The following CRY1 variants were observed in gnomAD, a reference collection of about 807,000 sequenced individuals.
The protein encoded by CRY1 is cryptochrome-1.
A neutral mutation model predicts 76.0 loss-of-function variants in CRY1; 45 were observed. The observed-to-expected ratio is 0.59, with a 90% CI of 0.47 to 0.76. The LOEUF is 0.76. CRY1 is among the 30% of genes least tolerant of loss of function. The pLI is 0.00. For synonymous variants in CRY1, 248 were observed against 244.0 expected, an observed-to-expected ratio of 1.02 and a Z score of -0.15; for missense variants, 587 against 716.4, an observed-to-expected ratio of 0.82 and a Z score of 2.06.
intron 1 of CRY1, among the ~76,000 whole-genome samples, chr12:107,058,464 T>G (rs1268151454): frequency 6.6e-6 from 1 of 152,026 alleles, no homozygotes; most frequent in East Asian, 1.9e-4. Flanking sequence ...AAAAAACAAG[T>G]TGGATTTTTA....
intron 1 of CRY1, among the ~76,000 whole-genome samples, chr12:107,057,601 T>A (rs1164505592): frequency 6.6e-6 from 1 of 152,144 alleles, no homozygotes; most frequent in South Asian, 2.1e-4. Flanking sequence ...CGTGGTGGTA[T>A]GTGCCTGTAC....
intron 1 of CRY1, 145 bp from the exon 2 acceptor site, chr12:107,022,337 C>G (rs1952568916): frequency 2.6e-6 from 1 of 379,396 alleles, no homozygotes; most frequent in African/African-American, 2.1e-5. Context: ...TTCCAAAAAC[C>G]ATACTAATAT....
At chr12:107,006,397 T>C (rs1019518171) in intron 2 of CRY1, among the ~76,000 whole-genome samples, 2 of 152,046 alleles carry the variant, frequency 1.3e-5, no homozygotes, top group East Asian at 1.9e-4. Flanking sequence ...ATTGCTATTA[T>C]AAACTTTACA....
At chr12:106,995,768 G>A (rs1243688326) in intron 10 of CRY1, among the ~76,000 whole-genome samples, 1 of 152,068 alleles carries the variant, frequency 6.6e-6, no homozygotes, top group Non-Finnish European at 1.5e-5. Flanking sequence ...TAGGTATTAA[G>A]ACCAGCATGC....
chr12:107,054,097 T>C (rs1393142668), intron 1 of CRY1, among the ~76,000 whole-genome samples: 1 of 152,148 alleles, frequency 6.6e-6, no homozygotes, highest in South Asian at 2.1e-4. Context: ...ATAAAGAACA[T>C]TGTAAATAGT....
chr12:107,027,441 G>A (rs1952629284), intron 1 of CRY1, among the ~76,000 whole-genome samples: 1 of 151,972 alleles, frequency 6.6e-6, no homozygotes, highest in Non-Finnish European at 1.5e-5. Context: ...CATACAACAG[G>A]TTGCTTTTTA....
intron 1 of CRY1, among the ~76,000 whole-genome samples, chr12:107,037,059 A>G (rs1183763228): frequency 6.6e-6 from 1 of 152,144 alleles, no homozygotes; most frequent in Admixed American, 6.5e-5. Flanking sequence ...TATTCACTAC[A>G]TTCAATAAAT....
chr12:107,083,452 T>C (rs1953352959), intron 1 of CRY1, among the ~76,000 whole-genome samples: 1 of 152,202 alleles, frequency 6.6e-6, no homozygotes, highest in Admixed American at 6.5e-5. Flanking sequence ...AATAAAATAC[T>C]GGCAAACCGA....
At chr12:107,071,804 G>A (rs2136893303) in intron 1 of CRY1, among the ~76,000 whole-genome samples, 1 of 152,292 alleles carries the variant, frequency 6.6e-6, no homozygotes, top group Non-Finnish European at 1.5e-5. Context: ...AGCAATACAT[G>A]TGAGAATGGA....
chr12:107,079,238 C>T (rs1953293890), intron 1 of CRY1, among the ~76,000 whole-genome samples: 1 of 152,152 alleles, frequency 6.6e-6, no homozygotes, highest in Admixed American at 6.5e-5. Flanking sequence ...AGTTCAGAAA[C>T]TGGCCCAAAA....
intron 4 of CRY1, 70 bp downstream of exon 4, chr12:107,001,694 A>G: frequency 7.4e-7 from 1 of 1,350,542 alleles, no homozygotes; most frequent in South Asian, 1.7e-5. Flanking sequence ...CAAAATTAAA[A>G]GGGGAATTTT....
intron 7 of CRY1, among the ~76,000 whole-genome samples, chr12:106,998,693 A>ACACAC (rs1238131760): frequency 0.026 from 2,125 of 80,528 alleles, 36 homozygotes; most frequent in African/African-American, 0.095. Context: ...CACACACACA[A>ACACAC]GCTCAGAAAT....
intron 1 of CRY1, among the ~76,000 whole-genome samples, chr12:107,052,595 G>A (rs1356239427): frequency 6.6e-6 from 1 of 152,154 alleles, no homozygotes; most frequent in Non-Finnish European, 1.5e-5. Context: ...AAGGAATGGA[G>A]ACTGGTATTT....
At chr12:107,007,126 T>C (rs1470523050) in intron 2 of CRY1, among the ~76,000 whole-genome samples, 1 of 152,258 alleles carries the variant, frequency 6.6e-6, no homozygotes, top group Non-Finnish European at 1.5e-5. Context: ...TGCTCAGATT[T>C]GTTAGTACGA....
intron 1 of CRY1, among the ~76,000 whole-genome samples, chr12:107,068,205 C>T (rs997705136): frequency 1.4e-4 from 21 of 151,982 alleles, no homozygotes; most frequent in Non-Finnish European, 2.2e-4. Context: ...TATCATCTGG[C>T]CCTTTACATT....
intron 1 of CRY1, among the ~76,000 whole-genome samples, chr12:107,083,234 T>G (rs549697267): frequency 6.6e-6 from 1 of 152,158 alleles, no homozygotes; most frequent in South Asian, 2.1e-4. Context: ...CAGGACTAGA[T>G]GGATTCACAG....
intron 1 of CRY1, among the ~76,000 whole-genome samples, chr12:107,052,121 A>AT (rs1219049072): frequency 6.6e-6 from 1 of 152,138 alleles, no homozygotes; most frequent in Non-Finnish European, 1.5e-5. Context: ...GGTAAGGATG[A>AT]TTTTTAAAGA....
rs556598127 is a variant in CRY1, at chr12:107,010,981, C to T, written c.268-5733G>A. Among the ~76,000 whole-genome samples, 73 of 152,192 alleles carry T rather than the reference C, an allele frequency of 4.8e-4. 2 individuals are homozygous for T. In the South Asian group the frequency reaches 0.015, roughly 31 times the overall value. On this transcript the variant is annotated intron_variant, in intron 2 of 12. Coordinates refer to ENST00000008527, the MANE Select transcript of CRY1 (RefSeq NM_004075.5). ...ATGGTCTCTAAGTGTTCAAGTGAAA[C>T]GAGGAGTCACACATCTCTCACTTTC...
chr12:107,066,652 G>C (rs1461837316), intron 1 of CRY1, among the ~76,000 whole-genome samples: 3 of 152,108 alleles, frequency 2.0e-5, no homozygotes, highest in South Asian at 4.1e-4. Flanking sequence ...TTTTTGTTGA[G>C]ATGGGGTTTC....
Sources: allele counts gnomAD v4.1 joint callset (sites outside exome capture counted in the v4.1 genomes callset), GRCh38; gene constraint gnomAD v4.1.1; transcripts MANE v1.5; gene names NCBI Gene and HGNC (gene_info 2026-07-23, HGNC 2026-07-21).